GOLPH3L: variants seen among roughly 807,000 people sequenced by gnomAD.
GOLPH3L encodes the protein golgi phosphoprotein 3 like.
GOLPH3L carries 22 observed loss-of-function variants against 30.3 expected under a neutral mutation model. The observed-to-expected ratio is 0.73, with a 90% CI of 0.52 to 1.04. The LOEUF is 1.04. GOLPH3L is among the 50% of genes least tolerant of loss of function. The probability of loss-of-function intolerance (pLI) is 0.00; values close to 1 mark genes in which losing one functional copy is unlikely to be tolerated. For missense variants in GOLPH3L, 303 were observed against 345.8 expected (o/e 0.88, Z 0.98); for synonymous variants, 120 against 128.2 (o/e 0.94, Z 0.43).
At chr1:150,664,361 A>G (rs1650447185) in intron 2 of GOLPH3L, among the ~76,000 whole-genome samples, 1 of 152,190 alleles carries the variant, frequency 6.6e-6, no homozygotes, top group Non-Finnish European at 1.5e-5. Context: ...GTCTGTTTCC[A>G]TGACACAAAA....
intron 2 of GOLPH3L, among the ~76,000 whole-genome samples, chr1:150,692,978 T>A (rs1168337494): frequency 6.6e-6 from 1 of 152,180 alleles, no homozygotes; most frequent in Admixed American, 6.6e-5. Context: ...AAAAGAGTAT[T>A]TATATCACCT....
rs903067268 is a variant in GOLPH3L, at chr1:150,647,571, C to T, written c.*750G>A. ...AGAATGGAAATTTTCATGCCACCCC[C>T]CTTCCTTCCTTACAAATTCTAATGC... On this transcript the variant is annotated 3_prime_UTR_variant, in exon 5 of 5. Transcript: ENST00000271732. The T allele has an allele frequency of 6.6e-6, 1 of 152,552 alleles. No homozygotes were observed. The highest frequency in any genetic ancestry group is 1.5e-5 in the Non-Finnish European group (1 of 68,100). 9.4% of individuals were successfully genotyped at this position (152,552 alleles called of 1,614,324 possible).
chr1:150,663,849 T>G, intron 2 of GOLPH3L, 86 bp from the exon 3 acceptor site: 1 of 1,137,692 alleles, frequency 8.8e-7, no homozygotes, highest in South Asian at 1.4e-5. Context: ...GCCGCTTTGT[T>G]GTGATTCGTT....
intron 2 of GOLPH3L, 125 bp from the exon 3 acceptor site, chr1:150,663,888 T>A: frequency 1.5e-6 from 1 of 669,664 alleles, no homozygotes; most frequent in Non-Finnish European, 2.6e-6. Context: ...ACTCAAAGTA[T>A]AGAGTAAGAG....
Position 150,648,172 on chromosome 1 carries a change from AAGC to A in GOLPH3L, c.*146_*148del. ...CTTATAATGGTCAAGGTCTATGGAG[AAGC>A]CCTGAAGTTGCTCTCCCCAAATCAC... On this transcript the variant is annotated 3_prime_UTR_variant, in exon 5 of 5. Coordinates refer to ENST00000271732, the MANE Select transcript of GOLPH3L (RefSeq NM_018178.6). 1 of 605,002 alleles carries A rather than the reference AAGC, an allele frequency of 1.7e-6. No homozygotes were observed. The highest frequency in any genetic ancestry group is 2.9e-6 in the Non-Finnish European group (1 of 342,514). 37.5% of individuals were successfully genotyped at this position (605,002 alleles called of 1,614,324 possible).
At chr1:150,673,991 C>T (rs1650708560) in intron 2 of GOLPH3L, among the ~76,000 whole-genome samples, 1 of 151,022 alleles carries the variant, frequency 6.6e-6, no homozygotes, top group Non-Finnish European at 1.5e-5. Flanking sequence ...CTCCCCACAA[C>T]TCACGTGATT....
At chr1:150,658,044 G>A (rs1484141428) in intron 4 of GOLPH3L, among the ~76,000 whole-genome samples, 1 of 152,158 alleles carries the variant, frequency 6.6e-6, no homozygotes, top group African/African-American at 2.4e-5. Flanking sequence ...TGTTTCTCCA[G>A]GACCGAATCA....
At position 150,691,832 on chromosome 1, in the gene GOLPH3L, A is replaced by G. The variant is rs587703446; in HGVS notation, c.183+2824T>C. ...ATTGAACATAATGTGAGAAATATAC[A>G]TGTTGTATAACAATGTTCATTTTCA... is the stretch of plus-strand genomic sequence containing the variant. On this transcript the variant is annotated intron_variant, in intron 2 of 4. Coordinates refer to ENST00000271732, the MANE Select transcript of GOLPH3L (RefSeq NM_018178.6). Among the ~76,000 whole-genome samples, 4 of 151,340 alleles carry G rather than the reference A, an allele frequency of 2.6e-5. No homozygotes were observed. In the South Asian group the frequency reaches 8.3e-4, roughly 32 times the overall value.
intron 2 of GOLPH3L, among the ~76,000 whole-genome samples, chr1:150,691,135 A>G (rs932529773): frequency 2.6e-5 from 4 of 151,920 alleles, no homozygotes; most frequent in Non-Finnish European, 2.9e-5. Flanking sequence ...CCCTACTAAG[A>G]ATACAAAAAT....
chr1:150,666,223 T>C (rs1026392074), intron 2 of GOLPH3L, among the ~76,000 whole-genome samples: 9 of 152,332 alleles, frequency 5.9e-5, no homozygotes, highest in Non-Finnish European at 1.3e-4. Context: ...TCTAAGCACT[T>C]TGGCTCTCCT....
rs1650963399 is a variant in GOLPH3L at position 150,682,022 on chromosome 1, C to T, written c.183+12634G>A. Among the ~76,000 whole-genome samples, 3 of 151,538 alleles carry T rather than the reference C, an allele frequency of 2.0e-5. 1 individual carries two copies. In the South Asian group the frequency reaches 6.3e-4, roughly 32 times the overall value. On this transcript the variant is annotated intron_variant, in intron 2 of 4. Transcript: ENST00000271732. ...TGGAGCTTTCAGTGAGCTGCAGGTA[C>T]CACGGCACTCCAGCCTGAGTGACAG...
At chr1:150,659,786 A>G (rs1203957995) in intron 4 of GOLPH3L, among the ~76,000 whole-genome samples, 1 of 152,126 alleles carries the variant, frequency 6.6e-6, no homozygotes, top group South Asian at 2.1e-4. Flanking sequence ...TAATCCCAGC[A>G]TTTTGGGAGA....
At chr1:150,652,405 A>AC (rs1650140761) in intron 4 of GOLPH3L, among the ~76,000 whole-genome samples, 3 of 148,762 alleles carry the variant, frequency 2.0e-5, no homozygotes, top group African/African-American at 7.4e-5. Flanking sequence ...AAAAAAAAAA[A>AC]AAACCCTAAA....
chr1:150,685,075 A>C (rs886084132), intron 2 of GOLPH3L, among the ~76,000 whole-genome samples: 2 of 152,178 alleles, frequency 1.3e-5, no homozygotes, highest in Non-Finnish European at 2.9e-5. Flanking sequence ...GCCCTTTATG[A>C]CTAGAATATC....
intron 2 of GOLPH3L, among the ~76,000 whole-genome samples, chr1:150,689,223 GA>G (rs1651155649): frequency 6.6e-6 from 1 of 152,054 alleles, no homozygotes; most frequent in East Asian, 1.9e-4. Context: ...AGCTTTCCAA[GA>G]AAGAGAGGAT....
intron 4 of GOLPH3L, among the ~76,000 whole-genome samples, chr1:150,658,519 G>A (rs2867304): frequency 0.39 from 58,546 of 152,000 alleles, 11,600 homozygotes; most frequent in South Asian, 0.55. Flanking sequence ...ACCACCCTCA[G>A]AAACCTATGT....
intron 4 of GOLPH3L, among the ~76,000 whole-genome samples, chr1:150,660,246 G>T (rs943785682): frequency 6.6e-6 from 1 of 151,800 alleles, no homozygotes; most frequent in African/African-American, 2.4e-5. Flanking sequence ...AGGCCTACTC[G>T]GATGTCTATA....
Position 150,694,693 on chromosome 1 carries a change from A to T in GOLPH3L, c.146T>A (p.Met49Lys). 1 of 1,609,064 alleles carries T rather than the reference A, an allele frequency of 6.2e-7. No homozygotes were observed. The highest frequency in any genetic ancestry group is 8.5e-7 in the Non-Finnish European group (1 of 1,177,952). Residue 49 changes from methionine to lysine, a missense_variant, in exon 2 of 5, where the codon ATG (methionine) becomes AAG (lysine). Transcript: ENST00000271732. ...TAGTCCCAGAAGCAATACTTCTTCC[A>T]TAAGAGTAAGGCGGATATCCTTAGA... The part of the protein sequence containing the change: ...GDSKDIRLTL[M>K]EEVLLLGLKD...
chr1:150,668,626 G>A (rs587608655), intron 2 of GOLPH3L, among the ~76,000 whole-genome samples: 6 of 152,188 alleles, frequency 3.9e-5, no homozygotes, highest in East Asian at 1.9e-4. Flanking sequence ...CAAGTGGTAT[G>A]CCCACCTCAG....
Sources: gnomAD v4.1 joint callset for allele counts (sites outside exome capture counted in the v4.1 genomes callset) on GRCh38, gnomAD v4.1.1 for gene constraint, MANE v1.5 for transcripts, NCBI Gene and HGNC (gene_info 2026-07-23, HGNC 2026-07-21) for gene names.